STX5: variants seen among roughly 807,000 people sequenced by gnomAD.
STX5 encodes the protein syntaxin 5, also known as syntaxin-5.
Under a neutral mutation model 42.9 loss-of-function variants are expected in STX5, and 15 were observed. The observed-to-expected ratio is 0.35, with a 90% CI of 0.23 to 0.54. STX5 has a LOEUF of 0.54. STX5 is among the 20% of genes least tolerant of loss of function. The pLI is 0.91. For synonymous variants in STX5, 184 were observed against 173.2 expected (o/e 1.06, Z -0.49); for missense variants, 430 against 455.0 (o/e 0.95, Z 0.50).
chr11:62,810,130 A>C (rs553661365), intron 10 of STX5, among the ~76,000 whole-genome samples: 1 of 151,714 alleles, frequency 6.6e-6, no homozygotes, highest in South Asian at 2.1e-4. Context: ...AAGAAAGAAA[A>C]AGAAAAAAAG....
Position 62,825,465 on chromosome 11 carries a change from C to G in STX5, c.498G>C (p.Arg166=). ...FVRAKGSQSG[R]HLQTHSNTIV... ...TGGTGTTGGAGTGGGTCTGCAGGTGCCGGCCACTCTGGCTGCCCTTGGCTC... is the reference window on the plus strand; with the variant it reads ...TGGTGTTGGAGTGGGTCTGCAGGTGGCGGCCACTCTGGCTGCCCTTGGCTC... Residue 166 remains arginine, a synonymous_variant, in exon 6 of 11, where the codon CGG becomes CGC. Transcript: ENST00000294179. 6.2e-7 allele frequency: 1 copy of G among 1,614,084 alleles called. No individual in the cohort carries two copies. The highest frequency in any genetic ancestry group is 8.5e-7 in the Non-Finnish European group (1 of 1,180,042).
intron 10 of STX5, among the ~76,000 whole-genome samples, chr11:62,808,868 T>C (rs765858994): frequency 1.3e-5 from 2 of 152,140 alleles, no homozygotes; most frequent in African/African-American, 4.8e-5. Context: ...TAATTTAACA[T>C]TGAACAAAAC....
chr11:62,825,275 G>A lies in STX5; in HGVS notation c.597+8C>T, dbSNP rs1329221732. 3 of 1,614,038 alleles carry A rather than the reference G, an allele frequency of 1.9e-6. No homozygotes were observed. The highest frequency in any genetic ancestry group is 4.5e-5 in the East Asian group (2 of 44,890). On this transcript the variant is annotated splice_region_variant and intron_variant, in intron 7 of 10. Coordinates refer to ENST00000294179, the MANE Select transcript of STX5 (RefSeq NM_003164.5). ...TATTCCTACCCCTCCTACGCAGATTGTTCTCACCTCTGTCCTCACTTCTAA... is the reference window on the plus strand; with the variant it reads ...TATTCCTACCCCTCCTACGCAGATTATTCTCACCTCTGTCCTCACTTCTAA...
At chr11:62,828,200 G>A (rs57856053) in intron 2 of STX5, among the ~76,000 whole-genome samples, 1 of 151,788 alleles carries the variant, frequency 6.6e-6, no homozygotes, top group Non-Finnish European at 1.5e-5. Flanking sequence ...CTGCGGCCTC[G>A]ACATCCTGGG....
intron 10 of STX5, among the ~76,000 whole-genome samples, chr11:62,822,943 A>G (rs967881215): frequency 2.0e-5 from 3 of 152,148 alleles, no homozygotes; most frequent in South Asian, 2.1e-4. Flanking sequence ...TCCCTCCAGT[A>G]CACCCTGTAC....
intron 10 of STX5, among the ~76,000 whole-genome samples, chr11:62,819,732 T>A (rs1364267281): frequency 6.6e-6 from 1 of 151,626 alleles, no homozygotes; most frequent in East Asian, 1.9e-4. Context: ...TTGCTCTTGC[T>A]GCCCAGGCTG....
rs1431000153 is a variant in STX5 at position 62,825,492 on chromosome 11, C to T, written c.471G>A (p.Val157=). 1 of 1,613,870 alleles carries T rather than the reference C, an allele frequency of 6.2e-7. No individual in the cohort carries two copies. Among genetic ancestry groups the T allele is most frequent in the African/African-American group, 1.3e-5 (1 of 74,902 alleles). ...GGCCACTCTGGCTGCCCTTGGCTCT[C>T]ACGAAATCCTGGAGCTGAGCAATTT... The part of the protein sequence containing the change: ...NKQIAQLQDF[V]RAKGSQSGRH... Residue 157 remains valine, a synonymous_variant, in exon 6 of 11, where the codon GTG becomes GTA. Transcript: ENST00000294179.
At chr11:62,814,168 T>C (rs900667513) in intron 10 of STX5, among the ~76,000 whole-genome samples, 33 of 152,208 alleles carry the variant, frequency 2.2e-4, no homozygotes, top group Non-Finnish European at 3.8e-4. Context: ...GAGGAAGAAT[T>C]TAATTAATTT....
chr11:62,823,956 CTG>C, intron 10 of STX5: 3 of 662,900 alleles, frequency 4.5e-6, no homozygotes, highest in Non-Finnish European at 7.6e-6. Context: ...CTACTTGCCA[CTG>C]TATCTCCCGC....
chr11:62,808,445 A>C (rs534409255), intron 10 of STX5, among the ~76,000 whole-genome samples: 2 of 151,560 alleles, frequency 1.3e-5, no homozygotes, highest in South Asian at 2.1e-4. Context: ...AAAAAAAAAA[A>C]AAACACCAAA....
intron 10 of STX5, among the ~76,000 whole-genome samples, chr11:62,809,144 C>T (rs997774918): frequency 2.0e-4 from 30 of 151,778 alleles, no homozygotes; most frequent in African/African-American, 3.4e-4. Context: ...AAAAATTAGC[C>T]GGGCATGGTG....
At chr11:62,831,549 G>A (rs556885665) in intron 1 of STX5, among the ~76,000 whole-genome samples, 41 of 152,206 alleles carry the variant, frequency 2.7e-4, no homozygotes, top group African/African-American at 9.4e-4. Flanking sequence ...GTGGTCCTGA[G>A]ACTCCGGCCC....
chr11:62,819,204 G>C (rs1449769997), intron 10 of STX5, among the ~76,000 whole-genome samples: 16 of 115,646 alleles, frequency 1.4e-4, no homozygotes, highest in African/African-American at 5.5e-4. Context: ...CTGGGCAACA[G>C]AGTGAGACTC....
At position 62,825,480 on chromosome 11, in the gene STX5, G is replaced by A. The variant is rs960182525; in HGVS notation, c.483C>T (p.Gly161=). The A allele has an allele frequency of 6.2e-7, 1 of 1,614,060 alleles. No homozygotes were observed. The highest frequency in any genetic ancestry group is 1.1e-5 in the South Asian group (1 of 91,070). Residue 161 remains glycine (G), a synonymous_variant, in exon 6 of 11, where the codon GGC becomes GGT. Coordinates refer to ENST00000294179, the MANE Select transcript of STX5 (RefSeq NM_003164.5). ...TCTGCAGGTGCCGGCCACTCTGGCTGCCCTTGGCTCTCACGAAATCCTGGA... is the reference window on the plus strand; with the variant it reads ...TCTGCAGGTGCCGGCCACTCTGGCTACCCTTGGCTCTCACGAAATCCTGGA... ...AQLQDFVRAK[G]SQSGRHLQTH...
At chr11:62,831,344 G>T in intron 1 of STX5, 82 bp from the exon 2 acceptor site, 2 of 1,033,114 alleles carry the variant, frequency 1.9e-6, no homozygotes, top group Non-Finnish European at 2.9e-6. Context: ...ACAAATCCCC[G>T]AGCCCCTTCT....
At chr11:62,815,367 G>T (rs114162757) in intron 10 of STX5, among the ~76,000 whole-genome samples, 2 of 151,722 alleles carry the variant, frequency 1.3e-5, no homozygotes, top group Middle Eastern at 3.2e-3. Flanking sequence ...TCGCTCTGTC[G>T]TAACACTCAC....
At chr11:62,819,856 G>T (rs1398007655) in intron 10 of STX5, among the ~76,000 whole-genome samples, 1 of 150,162 alleles carries the variant, frequency 6.7e-6, no homozygotes, top group Non-Finnish European at 1.5e-5. Flanking sequence ...ACCATGCCCA[G>T]CTATTTTTTT....
At chr11:62,830,818 C>CA (rs1212078379) in intron 2 of STX5, among the ~76,000 whole-genome samples, 2 of 151,906 alleles carry the variant, frequency 1.3e-5, no homozygotes, top group South Asian at 2.1e-4. Context: ...GGATTCCTCA[C>CA]AAAAAAAAGT....
intron 10 of STX5, among the ~76,000 whole-genome samples, chr11:62,819,220 GAAAAAAAAAAAAAAAAAAAAAAAAA>G (rs57390432): frequency 6.8e-5 from 2 of 29,600 alleles, no homozygotes; most frequent in South Asian, 2.6e-3. Flanking sequence ...GACTCTGTCT[GAAAAAAAAAAAAAAAAAAAAAAAAA>G]AAAAAAAAAA....
Sources: gnomAD v4.1 joint callset for allele counts (sites outside exome capture counted in the v4.1 genomes callset) on GRCh38, gnomAD v4.1.1 for gene constraint, MANE v1.5 for transcripts, NCBI Gene and HGNC (gene_info 2026-07-23, HGNC 2026-07-21) for gene names.